Variants in TM9SF4 observed in about 807,000 individuals in gnomAD.
The protein encoded by TM9SF4 is dinucleotide oxidase disulfide thiol exchanger 3 superfamily member 4.
Under a neutral mutation model 90.4 loss-of-function variants are expected in TM9SF4, and 26 were observed. The ratio of observed to expected loss-of-function variants is 0.29; its 90% CI spans 0.21 to 0.40. TM9SF4 has a LOEUF of 0.40. Ranked by LOEUF, TM9SF4 falls within the 10% of genes least tolerant of loss-of-function variation. TM9SF4 has a pLI of 1.00. For synonymous variants in TM9SF4, 293 were observed against 315.4 expected (o/e 0.93, Z 0.75); for missense variants, 549 against 834.8 (o/e 0.66, Z 4.22).
At chr20:32,127,488 T>C (rs963340458) in intron 1 of TM9SF4, among the ~76,000 whole-genome samples, 5 of 152,152 alleles carry the variant, frequency 3.3e-5, no homozygotes, top group African/African-American at 9.7e-5. Context: ...TGTTTGTCAG[T>C]GCCTAGCAGG....
chr20:32,159,572 CCAGTCACCAGCGT>C (rs1189480449), intron 15 of TM9SF4: 1 of 168,680 alleles, frequency 5.9e-6, no homozygotes, highest in African/African-American at 2.4e-5. Flanking sequence ...TGACTCTGGG[CCAGTCACCAGCGT>C]CTCTGATCCT....
chr20:32,155,516 G>T (rs2046906353), intron 13 of TM9SF4, among the ~76,000 whole-genome samples: 1 of 152,214 alleles, frequency 6.6e-6, no homozygotes. Flanking sequence ...AGTTTATTAG[G>T]TCATTATCCC....
intron 1 of TM9SF4, among the ~76,000 whole-genome samples, chr20:32,118,856 T>C (rs894566934): frequency 1.3e-5 from 2 of 152,136 alleles, no homozygotes; most frequent in East Asian, 1.9e-4. Context: ...CTCAAACTCT[T>C]GGGCTCAAGC....
At chr20:32,157,677 C>T (rs897863139) in intron 13 of TM9SF4, 117 bp from the exon 14 acceptor site, 5 of 1,335,420 alleles carry the variant, frequency 3.7e-6, no homozygotes, top group Non-Finnish European at 5.1e-6. Context: ...AGGGAGTGTG[C>T]TTCTGCTGCA....
intron 6 of TM9SF4, among the ~76,000 whole-genome samples, 159 bp from the exon 7 acceptor site, chr20:32,144,932 A>AT (rs2122419311): frequency 6.6e-6 from 1 of 152,242 alleles, no homozygotes; most frequent in African/African-American, 2.4e-5. Flanking sequence ...AAAATAAAAA[A>AT]TGAAAAAAAA....
intron 15 of TM9SF4, among the ~76,000 whole-genome samples, 167 bp downstream of exon 15, chr20:32,158,681 C>T (rs1347437930): frequency 2.6e-5 from 4 of 152,138 alleles, no homozygotes; most frequent in Non-Finnish European, 1.5e-5. Context: ...CCTCTCAGGG[C>T]AGCATTGAAA....
intron 1 of TM9SF4, among the ~76,000 whole-genome samples, chr20:32,128,790 CTGTGTGTGTGTG>C (rs55977888): frequency 2.1e-4 from 31 of 145,366 alleles, no homozygotes; most frequent in East Asian, 1.6e-3. Flanking sequence ...GTATTCCATT[CTGTGTGTGTGTG>C]TGTGTGTGTG....
At chr20:32,111,118 AT>A (rs1777068647) in intron 1 of TM9SF4, among the ~76,000 whole-genome samples, 1 of 152,166 alleles carries the variant, frequency 6.6e-6, no homozygotes, top group African/African-American at 2.4e-5. Flanking sequence ...CCTTTGTTTA[AT>A]GAGGGATTCC....
intron 1 of TM9SF4, among the ~76,000 whole-genome samples, chr20:32,118,054 G>A (rs1040527625): frequency 6.6e-5 from 10 of 152,158 alleles, no homozygotes; most frequent in African/African-American, 2.4e-4. Flanking sequence ...AGAACTGCAG[G>A]CCAAACATCC....
intron 13 of TM9SF4, among the ~76,000 whole-genome samples, chr20:32,156,472 A>C (rs2122461197): frequency 6.6e-6 from 1 of 152,364 alleles, no homozygotes; most frequent in East Asian, 1.9e-4. Flanking sequence ...CCCATATATA[A>C]AGTGGCATAG....
intron 17 of TM9SF4, among the ~76,000 whole-genome samples, chr20:32,163,269 ATATATATATATAT>A (rs1395616049): frequency 1.5e-5 from 1 of 66,976 alleles, no homozygotes; most frequent in African/African-American, 7.1e-5. Flanking sequence ...AAAAAAAAAA[ATATATATATATAT>A]ATATATATAT....
chr20:32,153,066 C>T (rs146657226), intron 12 of TM9SF4, among the ~76,000 whole-genome samples: 1 of 152,248 alleles, frequency 6.6e-6, no homozygotes, highest in African/African-American at 2.4e-5. Flanking sequence ...GATGAAGGGA[C>T]GCAGCCAGCA....
intron 1 of TM9SF4, among the ~76,000 whole-genome samples, chr20:32,110,915 C>T (rs914444113): frequency 3.3e-5 from 5 of 152,194 alleles, no homozygotes; most frequent in African/African-American, 1.2e-4. Flanking sequence ...GGTCTTCCTG[C>T]ATACTGCCTC....
Position 32,109,774 on chromosome 20 carries a change from G to GGGAGCGGGAGCT in TM9SF4, c.15+28_15+39dup, listed in dbSNP as rs1472817402. On this transcript the variant is annotated intron_variant, in intron 1 of 17. Coordinates refer to ENST00000398022, the MANE Select transcript of TM9SF4 (RefSeq NM_014742.4). ...GGCGATGGTGAGTGAAGGAGACTCC[G>GGGAGCGGGAGCT]GGAGCGGGAGCTGGAGCGGGGCCCT... The GGGAGCGGGAGCT allele has an allele frequency of 7.7e-6, 12 of 1,551,430 alleles. No individual in the cohort carries two copies. Among genetic ancestry groups the GGGAGCGGGAGCT allele is most frequent in the Non-Finnish European group, 9.6e-6 (11 of 1,146,974 alleles).
rs754828712 is a variant in TM9SF4 at position 32,133,087 on chromosome 20, G to A, written c.90G>A (p.Ala30=). 18 of 1,613,986 alleles carry A rather than the reference G, an allele frequency of 1.1e-5. No individual in the cohort carries two copies. Among genetic ancestry groups the A allele is most frequent in the African/African-American group, 5.3e-5 (4 of 74,896 alleles). Residue 30 remains alanine, a synonymous_variant, in exon 2 of 18, where the codon GCG becomes GCA. Coordinates refer to ENST00000398022, the MANE Select transcript of TM9SF4 (RefSeq NM_014742.4). ...ETSAFYVPGV[A]PINFHQNDPV... is the part of the protein sequence containing the mutation. The stretch of plus-strand genomic sequence containing the variant: ...GCGCCTTCTATGTGCCTGGGGTCGC[G>A]CCTATCAACTTCCACCAGAACGATC...
intron 8 of TM9SF4, 68 bp from the exon 9 acceptor site, chr20:32,146,717 G>T: frequency 6.7e-7 from 1 of 1,488,954 alleles, no homozygotes. Flanking sequence ...ATCATGTCTA[G>T]GAGGGCATGG....
Position 32,157,817 on chromosome 20 carries a change from T to C in TM9SF4, c.1353T>C (p.Ala451=), listed in dbSNP as rs778689731. The C allele has an allele frequency of 6.2e-7, 1 of 1,614,188 alleles. No individual in the cohort carries two copies. Among genetic ancestry groups the C allele is most frequent in the East Asian group, 2.2e-5 (1 of 44,880 alleles). ...AGGTGCCCTTTCCCACCATGGTGGCTCTGCTGTGCATGTGGTTCGGGATCT... is the reference window on the plus strand; with the variant it reads ...AGGTGCCCTTTCCCACCATGGTGGCCCTGCTGTGCATGTGGTTCGGGATCT... ...SGAVPFPTMV[A]LLCMWFGISL... The change falls in exon 14 of 18, where the codon GCT becomes GCC. Residue 451 remains alanine, a synonymous_variant. Coordinates refer to ENST00000398022, the MANE Select transcript of TM9SF4 (RefSeq NM_014742.4).
intron 1 of TM9SF4, among the ~76,000 whole-genome samples, chr20:32,132,501 G>C (rs1216839758): frequency 6.6e-6 from 1 of 152,180 alleles, no homozygotes; most frequent in Non-Finnish European, 1.5e-5. Flanking sequence ...AAGGTTTGTT[G>C]TCAGGACAAC....
intron 1 of TM9SF4, among the ~76,000 whole-genome samples, chr20:32,122,055 G>A (rs1301839898): frequency 1.4e-5 from 2 of 139,442 alleles, no homozygotes; most frequent in African/African-American, 5.6e-5. Context: ...CCTCCGGGAC[G>A]GGGCAGCTGG....
Sources: allele counts gnomAD v4.1 joint callset (sites outside exome capture counted in the v4.1 genomes callset), GRCh38; gene constraint gnomAD v4.1.1; transcripts MANE v1.5; gene names NCBI Gene and HGNC (gene_info 2026-07-23, HGNC 2026-07-21).